RPP38: variants seen among roughly 807,000 people sequenced by gnomAD.
RPP38 encodes ribonuclease P/MRP subunit p38.
In RPP38, 2 loss-of-function variants were observed where a neutral mutation model predicts 1.7. The ratio of observed to expected loss-of-function variants is 1.18; its 90% CI spans 0.48 to 3.70. The LOEUF is 3.70. Among genes scored for constraint, RPP38 ranks in the 30% most tolerant of loss-of-function variants. The probability of loss-of-function intolerance (pLI) is 0.07; values close to 1 mark genes in which losing one functional copy is unlikely to be tolerated. For synonymous variants in RPP38, 151 were observed against 131.8 expected (o/e 1.15, Z -1.00); for missense variants, 358 against 340.1 (o/e 1.05, Z -0.41).
chr10:15,100,872 G>A (rs939398463), intron 1 of RPP38, among the ~76,000 whole-genome samples: 4 of 152,156 alleles, frequency 2.6e-5, no homozygotes, highest in Admixed American at 6.5e-5. Flanking sequence ...TAGTAGAGAC[G>A]GGATTTCGCC....
At chr10:15,101,792 TGGCAGGAGAATC>T (rs1845115688) in intron 1 of RPP38, among the ~76,000 whole-genome samples, 2 of 151,966 alleles carry the variant, frequency 1.3e-5, no homozygotes, top group Non-Finnish European at 2.9e-5. Flanking sequence ...CCGGAGGCTG[TGGCAGGAGAATC>T]GCTTGAATCT....
Position 15,103,822 on chromosome 10 carries a change from C to T in RPP38, c.508C>T (p.Pro170Ser). The change falls in exon 3 of 3, where the codon CCC becomes TCC. Residue 170 changes from proline to serine, a missense_variant. Coordinates refer to ENST00000378197, the MANE Select transcript of RPP38 (RefSeq NM_183005.5). ...CCCCCGGCTCAGTGAGAGAATCGCC[C>T]CCGTCATTGGCTTAAAATGTGTTCT... ...QVPRLSERIAPVIGLKCVLAL... is the reference protein window; with the variant it reads ...QVPRLSERIASVIGLKCVLAL... 1 of 1,614,044 alleles carries T rather than the reference C, an allele frequency of 6.2e-7. No homozygotes were observed. Among genetic ancestry groups the T allele is most frequent in the Non-Finnish European group, 8.5e-7 (1 of 1,180,026 alleles).
At chr10:15,097,834 C>A (rs1844985808) in intron 1 of RPP38, 68 bp downstream of exon 1, 1 of 152,406 alleles carries the variant, frequency 6.6e-6, no homozygotes, top group Non-Finnish European at 1.5e-5. Flanking sequence ...CCTCGGCTAC[C>A]GGCGGGATCC....
chr10:15,102,351 T>A lies in RPP38; in HGVS notation c.-11+15T>A, dbSNP rs998290581. 3 of 152,004 alleles carry A rather than the reference T, an allele frequency of 2.0e-5. No homozygotes were observed. The highest frequency in any genetic ancestry group is 4.4e-5 in the Non-Finnish European group (3 of 68,016). 9.4% of individuals were successfully genotyped at this position (152,004 alleles called of 1,614,324 possible). A position where few individuals can be genotyped will look rare whatever the true frequency, so the allele number is the denominator to read the frequency against. ...TGGGACTACAGGTACGCCTCACACT[T>A]AGCTAATTTATGTATTTTTTGTAGA... On this transcript the variant is annotated intron_variant, in intron 2 of 2. Transcript: ENST00000378197.
intron 1 of RPP38, among the ~76,000 whole-genome samples, chr10:15,100,533 G>T (rs1003504441): frequency 9.9e-5 from 15 of 152,128 alleles, no homozygotes; most frequent in Middle Eastern, 3.4e-3. Context: ...CTAAGGAGCT[G>T]AATTTGGCTT....
At chr10:15,103,244 C>T in intron 2 of RPP38, 61 bp from the exon 3 acceptor site, 1 of 1,378,180 alleles carries the variant, frequency 7.3e-7, no homozygotes, top group Non-Finnish European at 9.9e-7. Flanking sequence ...TCAAGATATT[C>T]TTAAGTCATG....
rs1228217778 is a variant in RPP38, at chr10:15,103,433, A to G, written c.119A>G (p.Asp40Gly). Residue 40 changes from aspartate (D) to glycine (G), a missense_variant, in exon 3 of 3, where the codon GAT (aspartate) becomes GGT (glycine). By Grantham distance (94) the Asp-to-Gly change is moderately conservative (BLOSUM62 -1). Coordinates refer to ENST00000378197, the MANE Select transcript of RPP38 (RefSeq NM_183005.5). ...CGCTGGAGCGCTCTGGAGAGCGAGG[A>G]TATGCACTTCATCCTACAGACGCTT... is the stretch of plus-strand genomic sequence containing the variant. ...IIRWSALESE[D>G]MHFILQTLED... 1.2e-6 allele frequency: 2 copies of G among 1,614,240 alleles called. No homozygotes were observed. Among genetic ancestry groups the G allele is most frequent in the South Asian group, 2.2e-5 (2 of 91,084 alleles).
chr10:15,103,479 T>C lies in RPP38; in HGVS notation c.165T>C (p.Ile55=). 1 of 1,614,100 alleles carries C rather than the reference T, an allele frequency of 6.2e-7. No homozygotes were observed. Among genetic ancestry groups the C allele is most frequent in the Non-Finnish European group, 8.5e-7 (1 of 1,180,022 alleles). ...CGCTTGAGGACAGGCTTAAAGCTATTGGACTTCAGAAGATTGAAGATAAGA... is the reference window on the plus strand; with the variant it reads ...CGCTTGAGGACAGGCTTAAAGCTATCGGACTTCAGAAGATTGAAGATAAGA... ...LQTLEDRLKA[I]GLQKIEDKKK... The change falls in exon 3 of 3, where the codon ATT becomes ATC. Residue 55 remains isoleucine, a synonymous_variant. Coordinates refer to ENST00000378197, the MANE Select transcript of RPP38 (RefSeq NM_183005.5).
At chr10:15,098,702 A>G (rs1324495306) in intron 1 of RPP38, among the ~76,000 whole-genome samples, 2 of 150,860 alleles carry the variant, frequency 1.3e-5, no homozygotes, top group South Asian at 2.1e-4. Flanking sequence ...CCTGGCCAAC[A>G]TGGTGAAACC....
chr10:15,103,542 C>T lies in RPP38; in HGVS notation c.228C>T (p.Ser76=). Residue 76 remains serine (S), a synonymous_variant, in exon 3 of 3, where the codon AGC becomes AGT. Transcript: ENST00000378197. ...AAACACCTTTTCTGAAAAAAGAAAG[C>T]AGAGAGAAATGCAGCATTGCTGTTG... The part of the protein sequence containing the change: ...KNKTPFLKKE[S]REKCSIAVDI... 1 of 1,613,918 alleles carries T rather than the reference C, an allele frequency of 6.2e-7. No individual in the cohort carries two copies. The highest frequency in any genetic ancestry group is 8.5e-7 in the Non-Finnish European group (1 of 1,179,934).
rs754816162 is a variant in RPP38 at position 15,103,289 on chromosome 10, T to C, written c.-10-16T>C. 3.9e-5 allele frequency: 60 copies of C among 1,549,062 alleles called. No homozygotes were observed. Among genetic ancestry groups the C allele is most frequent in the Middle Eastern group, 1.7e-4 (1 of 5,754 alleles). On this transcript the variant is annotated splice_polypyrimidine_tract_variant and intron_variant, in intron 2 of 2. Coordinates refer to ENST00000378197, the MANE Select transcript of RPP38 (RefSeq NM_183005.5). ...CTAACATGAATTTTTTCTGTTGTCA[T>C]TTTGCTTCTTGGAAGGATTTTCAAA...
chr10:15,101,178 A>G (rs1486088622), intron 1 of RPP38, among the ~76,000 whole-genome samples: 1 of 152,232 alleles, frequency 6.6e-6, no homozygotes, highest in Non-Finnish European at 1.5e-5. Context: ...CAGTTTCCTA[A>G]TGCACACATT....
chr10:15,099,415 T>A (rs1845051455), intron 1 of RPP38, among the ~76,000 whole-genome samples: 1 of 151,892 alleles, frequency 6.6e-6, no homozygotes, highest in African/African-American at 2.4e-5. Flanking sequence ...CGGGATTGCC[T>A]GAGCCTAGGA....
chr10:15,099,078 AATACTT>A (rs1845039219), intron 1 of RPP38, among the ~76,000 whole-genome samples: 1 of 152,124 alleles, frequency 6.6e-6, no homozygotes, highest in Non-Finnish European at 1.5e-5. Flanking sequence ...TGTGAGAAAA[AATACTT>A]AATCTTTATG....
chr10:15,103,142 A>G (rs758803701), intron 2 of RPP38, 163 bp from the exon 3 acceptor site: 23 of 542,588 alleles, frequency 4.2e-5, no homozygotes, highest in Non-Finnish European at 6.4e-5. Context: ...CAGTGAGCTG[A>G]GATTGTGCCA....
At position 15,103,891 on chromosome 10, in the gene RPP38, G is replaced by A; in HGVS notation, c.577G>A (p.Val193Ile). Residue 193 changes from valine (V) to isoleucine (I), a missense_variant, in exon 3 of 3, where the codon GTA becomes ATA. Physicochemically the swap from Val to Ile is conservative, Grantham distance 29. Coordinates refer to ENST00000378197, the MANE Select transcript of RPP38 (RefSeq NM_183005.5). ...GAACACCACTGACTTTGTGGACGAAGTAAGAGCCATCATCCCCAGAGTCCC... is the reference window on the plus strand; with the variant it reads ...GAACACCACTGACTTTGTGGACGAAATAAGAGCCATCATCCCCAGAGTCCC... ...KKNTTDFVDE[V>I]RAIIPRVPSL... is the part of the protein sequence containing the mutation. 1 of 1,614,154 alleles carries A rather than the reference G, an allele frequency of 6.2e-7. No individual in the cohort carries two copies. Among genetic ancestry groups the A allele is most frequent in the Non-Finnish European group, 8.5e-7 (1 of 1,180,034 alleles).
intron 1 of RPP38, among the ~76,000 whole-genome samples, chr10:15,098,488 C>CT (rs1359670246): frequency 2.0e-5 from 3 of 151,206 alleles, no homozygotes; most frequent in African/African-American, 7.3e-5. Context: ...TCCCAAAGTG[C>CT]TGGGATTACA....
intron 1 of RPP38, among the ~76,000 whole-genome samples, chr10:15,099,481 T>TTA (rs1200902058): frequency 2.0e-5 from 3 of 151,750 alleles, no homozygotes; most frequent in African/African-American, 7.3e-5. Flanking sequence ...AATTTCTTTT[T>TTA]TTTTTTTTTT....
chr10:15,103,106 C>T lies in RPP38; in HGVS notation c.-10-199C>T, dbSNP rs954374718. 49 of 362,212 alleles carry T rather than the reference C, an allele frequency of 1.4e-4. 1 individual carries two copies. Among genetic ancestry groups the T allele is most frequent in the Non-Finnish European group, 2.0e-4 (41 of 203,198 alleles). The allele number at this position is 362,212 out of a possible 1,614,324, so 22.4% of individuals were successfully genotyped here. A position where few individuals can be genotyped will look rare whatever the true frequency, so the allele number is the denominator to read the frequency against. On this transcript the variant is annotated intron_variant, in intron 2 of 2. Transcript: ENST00000378197. ...ACTCGGGAGGCTGAGGCAGGAGAAT[C>T]GCTTGAACCCAGGAGGTGGAGGTTG... is the stretch of plus-strand genomic sequence containing the variant.
Sources: allele counts gnomAD v4.1 joint callset (sites outside exome capture counted in the v4.1 genomes callset), GRCh38; gene constraint gnomAD v4.1.1; transcripts MANE v1.5; gene names NCBI Gene and HGNC (gene_info 2026-07-23, HGNC 2026-07-21).